Variants in GEMIN8 observed in about 807,000 individuals in gnomAD.
The protein encoded by GEMIN8 is gem-associated protein 8.
For synonymous variants in GEMIN8, 80 were observed against 78.5 expected (o/e 1.02, Z -0.10); for missense variants, 185 against 205.9 (o/e 0.90, Z 0.62).
chrX:14,023,622 C>T (rs1924509411), intron 2 of GEMIN8, among the ~76,000 whole-genome samples: 1 of 111,901 alleles, frequency 8.9e-6, no homozygotes, highest in Non-Finnish European at 1.9e-5. Context: ...CATGATCCGC[C>T]CGCCTCGGCC....
chrX:14,029,112 G>T (rs149168566), intron 1 of GEMIN8, among the ~76,000 whole-genome samples: 1 of 111,940 alleles, frequency 8.9e-6, no homozygotes, highest in African/African-American at 3.3e-5. Context: ...CAAGATTTCA[G>T]AGCTAAAATG....
intron 4 of GEMIN8, among the ~76,000 whole-genome samples, chrX:14,009,820 A>G (rs1262593384): frequency 8.9e-6 from 1 of 111,756 alleles, no homozygotes; most frequent in African/African-American, 3.3e-5. Flanking sequence ...GAATGAGGTG[A>G]TGTGGGGGGA....
At chrX:14,002,124 G>A (rs1361206538), downstream of GEMIN8, among the ~76,000 whole-genome samples, 156 of 64,252 alleles carry the variant, frequency 2.4e-3, no homozygotes, top group African/African-American at 3.6e-3. Context: ...AAAAAAAAAA[G>A]TTTGTTAAAG....
In GEMIN8 at chrX:14,007,582, C is replaced by T. The variant is rs1296041019; in HGVS notation, c.*1331G>A. Among the ~76,000 whole-genome samples the T allele has an allele frequency of 9.1e-6, 1 of 109,815 alleles. No homozygotes were observed. The highest frequency in any genetic ancestry group is 3.3e-5 in the African/African-American group (1 of 30,081). ...TTTGAGATGGAGTCTCACTCTGTTGCCCAGGCTGGAGCTCGGCTCACTGCA... is the reference window on the plus strand; with the variant it reads ...TTTGAGATGGAGTCTCACTCTGTTGTCCAGGCTGGAGCTCGGCTCACTGCA... On this transcript the variant is annotated 3_prime_UTR_variant, in exon 5 of 5. Transcript: ENST00000680255.
the GEMIN8 span, among the ~76,000 whole-genome samples, chrX:13,998,914 A>T: frequency 1.9e-4 from 21 of 112,081 alleles, no homozygotes; most frequent in African/African-American, 6.5e-4. Context: ...TTCCCTTCTG[A>T]CTTGTCATTC....
intron 4 of GEMIN8, chrX:14,014,300 T>C (rs1029149464): frequency 2.7e-6 from 2 of 751,816 alleles, no homozygotes; most frequent in East Asian, 1.5e-4. Flanking sequence ...GCCTCATTTC[T>C]GGCTTGTCAG....
chrX:14,002,736 AGG>A (rs1442973639), downstream of GEMIN8, among the ~76,000 whole-genome samples: 1 of 111,474 alleles, frequency 9.0e-6, no homozygotes, highest in African/African-American at 3.3e-5. Flanking sequence ...TCCTGACCTC[AGG>A]TGATCCACTC....
At chrX:14,021,860 T>TA (rs1365654903) in intron 2 of GEMIN8, among the ~76,000 whole-genome samples, 2 of 94,601 alleles carry the variant, frequency 2.1e-5, no homozygotes, top group Non-Finnish European at 4.1e-5. Context: ...TATATACTGA[T>TA]ATATATACTG....
At chrX:14,028,071 A>G (rs1569375744) in intron 1 of GEMIN8, among the ~76,000 whole-genome samples, 5 of 112,166 alleles carry the variant, frequency 4.5e-5, no homozygotes, top group Admixed American at 2.8e-4. Flanking sequence ...TTTCAAATTT[A>G]CTTTTTTCTA....
chrX:14,009,219 C>A, intron 4 of GEMIN8, 50 bp from the exon 5 acceptor site: 1 of 1,158,679 alleles, frequency 8.6e-7, no homozygotes, highest in South Asian at 1.9e-5. Context: ...CGTGTGTGCA[C>A]TGCAGAAGGA....
At position 14,009,018 on chromosome X, in the gene GEMIN8, A is replaced by C. The variant is rs752178806; in HGVS notation, c.624T>G (p.Ser208Arg). Reference protein sequence around the residue: ...QAEMKRLYGDSAAKIQAMEAA... With the variant: ...QAEMKRLYGDRAAKIQAMEAA... ...CCTCCATGGCTTGGATCTTGGCAGC[A>C]CTGTCCCCGTACAAACGCTTCATCT... The change falls in exon 5 of 5, where the codon AGT becomes AGG. Residue 208 changes from serine (S) to arginine (R), a missense_variant. Ser to Arg is a moderately radical substitution (Grantham distance 110). Coordinates refer to ENST00000680255, the MANE Select transcript of GEMIN8 (RefSeq NM_001042479.2). The C allele has an allele frequency of 8.3e-7, 1 of 1,211,764 alleles. No homozygotes were observed. The highest frequency in any genetic ancestry group is 1.8e-5 in the South Asian group (1 of 56,964).
chrX:14,004,588 G>A (rs777455835), downstream of GEMIN8, among the ~76,000 whole-genome samples: 10 of 112,275 alleles, frequency 8.9e-5, no homozygotes, highest in Admixed American at 3.8e-4. Context: ...TCTTTTGTGA[G>A]ACAGCATCTC....
chrX:13,990,433 C>A, the GEMIN8 span, among the ~76,000 whole-genome samples: 2 of 112,500 alleles, frequency 1.8e-5, no homozygotes, highest in Non-Finnish European at 3.8e-5. Flanking sequence ...TATTTCTCTA[C>A]GAATTCCTGC....
chrX:13,993,441 CTTTTTTT>C, the GEMIN8 span, among the ~76,000 whole-genome samples: 3 of 90,614 alleles, frequency 3.3e-5, no homozygotes, highest in East Asian at 3.4e-4. Context: ...GTTGTGTATA[CTTTTTTT>C]TTTTTTTTTT....
chrX:14,021,814 G>GTGTATATA (rs372889181), intron 2 of GEMIN8, among the ~76,000 whole-genome samples: 3 of 78,276 alleles, frequency 3.8e-5, no homozygotes, highest in African/African-American at 1.6e-4. Context: ...TAATGTGTGT[G>GTGTATATA]TATATATATA....
downstream of GEMIN8, among the ~76,000 whole-genome samples, chrX:14,001,730 C>T (rs781777301): frequency 1.9e-4 from 21 of 111,653 alleles, no homozygotes; most frequent in South Asian, 3.8e-4. Flanking sequence ...CCAGGATAGT[C>T]TCCATCTCTT....
At position 14,006,874 on chromosome X, in the gene GEMIN8, A is replaced by C. The variant is rs1923191603; in HGVS notation, c.*2039T>G. Among the ~76,000 whole-genome samples, 1 of 111,686 alleles carries C rather than the reference A, an allele frequency of 9.0e-6. No homozygotes were observed. Among genetic ancestry groups the C allele is most frequent in the African/African-American group, 3.3e-5 (1 of 30,655 alleles). ...AGGAACCAGAAGCACTGAGAGGTGA[A>C]GCCTTAGGTAACAAAGCCAGTAGGG... On this transcript the variant is annotated 3_prime_UTR_variant, in exon 5 of 5. Coordinates refer to ENST00000680255, the MANE Select transcript of GEMIN8 (RefSeq NM_001042479.2).
Position 14,008,740 on chromosome X carries a change from C to A in GEMIN8, c.*173G>T. Reference sequence around the variant, plus strand: ...TTGGCAACAGAACATGTCCTGCAGACCTCCAAGTGGCTGGCATAGTACATC... The same window carrying A: ...TTGGCAACAGAACATGTCCTGCAGAACTCCAAGTGGCTGGCATAGTACATC... On this transcript the variant is annotated 3_prime_UTR_variant, in exon 5 of 5. Transcript: ENST00000680255. 1 of 488,101 alleles carries A rather than the reference C, an allele frequency of 2.0e-6. No individual in the cohort carries two copies. Among genetic ancestry groups the A allele is most frequent in the South Asian group, 3.2e-5 (1 of 31,645 alleles). The allele number at this position is 488,101 out of a possible 1,213,427, so 40.2% of individuals were successfully genotyped here.
At chrX:13,990,592 G>A in the GEMIN8 span, among the ~76,000 whole-genome samples, 71 of 112,615 alleles carry the variant, frequency 6.3e-4, no homozygotes, top group African/African-American at 2.2e-3. Flanking sequence ...TGACCCCCAG[G>A]CTGCTCTCCA....
Sources: gnomAD v4.1 joint callset for allele counts (sites outside exome capture counted in the v4.1 genomes callset) on GRCh38, gnomAD v4.1.1 for gene constraint, MANE v1.5 for transcripts, NCBI Gene and HGNC (gene_info 2026-07-23, HGNC 2026-07-21) for gene names.